Variants in CPNE3 observed in about 807,000 individuals in gnomAD.
CPNE3 encodes the protein copine 3, also known as copine-3.
In CPNE3, 68 loss-of-function variants were observed where a neutral mutation model predicts 63.9. The observed-to-expected ratio is 1.06, with a 90% CI of 0.87 to 1.30. The LOEUF (loss-of-function observed/expected upper bound fraction) is 1.30. CPNE3 is among the 50% of genes most tolerant of loss of function. The pLI is 0.00. For synonymous variants in CPNE3, 219 were observed against 197.5 expected, an observed-to-expected ratio of 1.11 and a Z score of -0.91; for missense variants, 665 against 578.1, an observed-to-expected ratio of 1.15 and a Z score of -1.54.
chr8:86,541,694 A>G (rs1820944681), intron 8 of CPNE3, among the ~76,000 whole-genome samples: 1 of 145,940 alleles, frequency 6.9e-6, no homozygotes, highest in Non-Finnish European at 1.5e-5. Flanking sequence ...TGATGGAGTG[A>G]GACCGTGTCT....
Position 86,561,198 on chromosome 8 carries a change from T to C in CPNE3, c.*2788T>C, listed in dbSNP as rs1212546341. ...TTTGTAAACTTCCTGGAAAGCTGTC[T>C]TCACTAAGTATCCCCTAGTCTCTAT... is the stretch of plus-strand genomic sequence containing the variant. On this transcript the variant is annotated 3_prime_UTR_variant, in exon 17 of 17. Transcript: ENST00000517490. 6.6e-6 allele frequency: 1 copy of C among 152,192 alleles called. No homozygotes were observed. The highest frequency in any genetic ancestry group is 1.5e-5 in the Non-Finnish European group (1 of 68,030). 9.4% of individuals were successfully genotyped at this position (152,192 alleles called of 1,614,324 possible). A position where few individuals can be genotyped will look rare whatever the true frequency, so the allele number is the denominator to read the frequency against.
chr8:86,522,548 CTTTTTTTTTTTTT>C (rs36073581), intron 2 of CPNE3, among the ~76,000 whole-genome samples: 4 of 82,180 alleles, frequency 4.9e-5, no homozygotes, highest in Admixed American at 1.5e-4. Context: ...ACGCCCGCTG[CTTTTTTTTTTTTT>C]TTTTTTTTTT....
At chr8:86,555,023 T>C in intron 15 of CPNE3, 39 bp downstream of exon 15, 3 of 1,611,886 alleles carry the variant, frequency 1.9e-6, no homozygotes, top group Non-Finnish European at 2.5e-6. Flanking sequence ...AGAATGTGGA[T>C]TGGTAGCAGC....
At chr8:86,528,493 A>T (rs941468708) in intron 2 of CPNE3, 43 bp from the exon 3 acceptor site, 1 of 1,605,936 alleles carries the variant, frequency 6.2e-7, no homozygotes, top group African/African-American at 1.3e-5. Context: ...TGCTTCTTAA[A>T]GGCACTGTTT....
intron 9 of CPNE3, 62 bp from the exon 10 acceptor site, chr8:86,546,533 G>A: frequency 1.3e-6 from 2 of 1,541,008 alleles, no homozygotes; most frequent in Non-Finnish European, 1.8e-6. Context: ...TTCATTTAAA[G>A]TCACATTGGC....
At chr8:86,547,082 T>G (rs942101183) in intron 10 of CPNE3, among the ~76,000 whole-genome samples, 1 of 152,222 alleles carries the variant, frequency 6.6e-6, no homozygotes, top group African/African-American at 2.4e-5. Context: ...ATTAAACAAA[T>G]ACTTGAATTT....
chr8:86,543,490 A>C (rs578092254), intron 8 of CPNE3, among the ~76,000 whole-genome samples: 1 of 152,264 alleles, frequency 6.6e-6, no homozygotes, highest in South Asian at 2.1e-4. Context: ...AGTTAATCTA[A>C]GTTTGAGAAG....
intron 6 of CPNE3, among the ~76,000 whole-genome samples, chr8:86,536,506 C>T (rs1300607236): frequency 6.6e-6 from 1 of 151,878 alleles, no homozygotes; most frequent in Non-Finnish European, 1.5e-5. Context: ...AGGTTAAACA[C>T]AGTCTTTGTG....
In CPNE3 at chr8:86,531,149, TA is replaced by T. The variant is rs749690809; in HGVS notation, c.313-4del. 4 of 1,125,410 alleles carry T rather than the reference TA, an allele frequency of 3.6e-6. No individual in the cohort carries two copies. Among genetic ancestry groups the T allele is most frequent in the Non-Finnish European group, 5.5e-6 (4 of 733,194 alleles). The allele number at this position is 1,125,410 out of a possible 1,614,324, so 69.7% of individuals were successfully genotyped here. A position where few individuals can be genotyped will look rare whatever the true frequency, so the allele number is the denominator to read the frequency against. The stretch of plus-strand genomic sequence containing the variant: ...ATGACTCTGTATCACTTTCTAATTC[TA>T]ACAGATTGTTTCCAGCAAGAAGCTA... On this transcript the variant is annotated splice_region_variant and splice_polypyrimidine_tract_variant and intron_variant, in intron 4 of 16. Coordinates refer to ENST00000517490, the MANE Select transcript of CPNE3 (RefSeq NM_003909.5).
chr8:86,553,049 A>G (rs1354402358), intron 14 of CPNE3, among the ~76,000 whole-genome samples: 3 of 143,392 alleles, frequency 2.1e-5, no homozygotes, highest in Non-Finnish European at 4.5e-5. Flanking sequence ...TTTTTAGTAA[A>G]GACAGGGTTT....
In CPNE3 at chr8:86,560,709, TA is replaced by T. The variant is rs1821422124; in HGVS notation, c.*2303del. On this transcript the variant is annotated 3_prime_UTR_variant, in exon 17 of 17. Transcript: ENST00000517490. ...ATTGGTGCCTTTTTACAGTTTTGAA[TA>T]AAAGCATTTACAATTTCTAAATTAT... 6.6e-6 allele frequency: 1 copy of T among 152,238 alleles called. No homozygotes were observed. The highest frequency in any genetic ancestry group is 6.5e-5 in the Admixed American group (1 of 15,282). The allele number at this position is 152,238 out of a possible 1,614,324, so 9.4% of individuals were successfully genotyped here.
intron 6 of CPNE3, among the ~76,000 whole-genome samples, chr8:86,534,666 G>A (rs1820765387): frequency 6.6e-6 from 1 of 151,822 alleles, no homozygotes; most frequent in African/African-American, 2.4e-5. Flanking sequence ...AAAAAAGAAG[G>A]AAAAAAAATT....
intron 12 of CPNE3, among the ~76,000 whole-genome samples, chr8:86,550,740 CT>C (rs1241904982): frequency 6.6e-6 from 1 of 152,132 alleles, no homozygotes; most frequent in Non-Finnish European, 1.5e-5. Flanking sequence ...TATTTATTTA[CT>C]CATTTGATCA....
intron 12 of CPNE3, among the ~76,000 whole-genome samples, chr8:86,549,512 G>A (rs1424426089): frequency 6.6e-6 from 1 of 152,130 alleles, no homozygotes; most frequent in African/African-American, 2.4e-5. Flanking sequence ...AGGGGAGGGG[G>A]TTGTAAAAGC....
intron 12 of CPNE3, among the ~76,000 whole-genome samples, chr8:86,548,757 A>T (rs1230928060): frequency 6.6e-6 from 1 of 152,158 alleles, no homozygotes; most frequent in Non-Finnish European, 1.5e-5. Flanking sequence ...TTCATTAGGC[A>T]TAAGTTGTAT....
chr8:86,548,476 A>G (rs370559867), intron 12 of CPNE3, 42 bp downstream of exon 12: 121 of 1,611,846 alleles, frequency 7.5e-5, no homozygotes, highest in Non-Finnish European at 9.8e-5. Context: ...TGTTTTCACA[A>G]TTCCCCAGAA....
chr8:86,558,787 T>C lies in CPNE3; in HGVS notation c.*377T>C. ...TGGGATGATGTGGTTTGCAGGTTGC[T>C]GTGCCTGATTCACAGTGTATGTTGT... On this transcript the variant is annotated 3_prime_UTR_variant, in exon 17 of 17. Transcript: ENST00000517490. 4.2e-6 allele frequency: 1 copy of C among 236,182 alleles called. No individual in the cohort carries two copies. The highest frequency in any genetic ancestry group is 8.5e-6 in the Non-Finnish European group (1 of 117,610). 14.6% of individuals were successfully genotyped at this position (236,182 alleles called of 1,614,324 possible).
At chr8:86,530,198 C>T (rs1362550430) in intron 4 of CPNE3, among the ~76,000 whole-genome samples, 6 of 140,394 alleles carry the variant, frequency 4.3e-5, no homozygotes, top group African/African-American at 1.6e-4. Flanking sequence ...GAGACAGGGT[C>T]TCACTAAGTC....
intron 14 of CPNE3, 113 bp downstream of exon 14, chr8:86,551,347 C>A: frequency 1.3e-6 from 1 of 742,986 alleles, no homozygotes; most frequent in Non-Finnish European, 2.2e-6. Context: ...CAAATTTCAT[C>A]TCTAGGTTTC....
Sources: allele counts gnomAD v4.1 joint callset (sites outside exome capture counted in the v4.1 genomes callset), GRCh38; gene constraint gnomAD v4.1.1; transcripts MANE v1.5; gene names NCBI Gene and HGNC (gene_info 2026-07-23, HGNC 2026-07-21).